ARHGAP10: variants seen among roughly 807,000 people sequenced by gnomAD.
The protein encoded by ARHGAP10 is Rho GTPase activating protein 10.
Under a neutral mutation model 108.6 loss-of-function variants are expected in ARHGAP10, and 87 were observed. That is an observed-to-expected ratio of 0.80 (90% CI 0.67 to 0.96). ARHGAP10 has a LOEUF of 0.96. Among genes scored for constraint, ARHGAP10 ranks in the 40% least tolerant of loss-of-function variants. The probability of loss-of-function intolerance (pLI) is 0.00; values close to 1 mark genes in which losing one functional copy is unlikely to be tolerated. For missense variants in ARHGAP10, 939 were observed against 954.5 expected, an observed-to-expected ratio of 0.98 and a Z score of 0.21; for synonymous variants, 347 against 341.1, an observed-to-expected ratio of 1.02 and a Z score of -0.19.
At chr4:148,068,433 A>G (rs971889260) in intron 22 of ARHGAP10, among the ~76,000 whole-genome samples, 2 of 152,198 alleles carry the variant, frequency 1.3e-5, no homozygotes, top group African/African-American at 4.8e-5. Flanking sequence ...AGCTGATCAC[A>G]TATAGACCCC....
chr4:147,875,268 C>G, intron 8 of ARHGAP10, 118 bp downstream of exon 8: 3 of 1,135,828 alleles, frequency 2.6e-6, no homozygotes, highest in Non-Finnish European at 3.6e-6. Context: ...CTTTCTCTCC[C>G]TGCTCCTATC....
At chr4:147,929,039 T>A (rs1737570300) in intron 13 of ARHGAP10, among the ~76,000 whole-genome samples, 1 of 152,208 alleles carries the variant, frequency 6.6e-6, no homozygotes, top group African/African-American at 2.4e-5. Context: ...TAACCTTAAC[T>A]TGTAATAATT....
intron 10 of ARHGAP10, among the ~76,000 whole-genome samples, chr4:147,897,098 T>C (rs1448860647): frequency 2.6e-5 from 4 of 152,146 alleles, no homozygotes; most frequent in Non-Finnish European, 4.4e-5. Flanking sequence ...TGCTTTCTTA[T>C]ACTGTTCGTA....
At chr4:148,035,602 G>A (rs1298080526) in intron 19 of ARHGAP10, among the ~76,000 whole-genome samples, 1 of 152,184 alleles carries the variant, frequency 6.6e-6, no homozygotes, top group African/African-American at 2.4e-5. Context: ...TGAAACGGGA[G>A]GAGTGAGGTC....
intron 1 of ARHGAP10, among the ~76,000 whole-genome samples, chr4:147,739,264 A>G (rs1053688670): frequency 3.9e-5 from 6 of 152,130 alleles, no homozygotes; most frequent in African/African-American, 1.4e-4. Flanking sequence ...ATTTTCTAGA[A>G]TTTATTTTTG....
intron 1 of ARHGAP10, among the ~76,000 whole-genome samples, chr4:147,783,995 A>G (rs919550635): frequency 1.1e-4 from 16 of 144,520 alleles, no homozygotes; most frequent in African/African-American, 3.0e-4. Flanking sequence ...TATAATTTAT[A>G]TAACACATTA....
intron 1 of ARHGAP10, among the ~76,000 whole-genome samples, chr4:147,796,408 A>G (rs1195243605): frequency 6.6e-6 from 1 of 152,126 alleles, no homozygotes; most frequent in Non-Finnish European, 1.5e-5. Context: ...GGAGGTTGGG[A>G]GGAGGGCCCT....
chr4:148,035,601 A>C (rs1728345043), intron 19 of ARHGAP10, among the ~76,000 whole-genome samples: 1 of 152,194 alleles, frequency 6.6e-6, no homozygotes, highest in African/African-American at 2.4e-5. Flanking sequence ...ATGAAACGGG[A>C]GGAGTGAGGT....
At chr4:147,744,385 G>T (rs1728818741) in intron 1 of ARHGAP10, among the ~76,000 whole-genome samples, 1 of 151,962 alleles carries the variant, frequency 6.6e-6, no homozygotes, top group Non-Finnish European at 1.5e-5. Flanking sequence ...TGTCGAGGGG[G>T]TGGGGGAGGG....
At chr4:147,743,450 T>G (rs1308708875) in intron 1 of ARHGAP10, among the ~76,000 whole-genome samples, 2 of 152,206 alleles carry the variant, frequency 1.3e-5, no homozygotes, top group African/African-American at 2.4e-5. Context: ...GTTGTTTAAC[T>G]TCTCTGTGCC....
intron 4 of ARHGAP10, among the ~76,000 whole-genome samples, chr4:147,852,908 G>A (rs966304237): frequency 1.3e-5 from 2 of 151,600 alleles, no homozygotes; most frequent in African/African-American, 4.8e-5. Context: ...AGTAGAGATG[G>A]GGGGTTTCAC....
chr4:148,009,576 G>T (rs536176589), intron 18 of ARHGAP10, among the ~76,000 whole-genome samples: 1 of 152,336 alleles, frequency 6.6e-6, no homozygotes, highest in East Asian at 1.9e-4. Flanking sequence ...TAGATGTACA[G>T]AATTTTGATG....
intron 1 of ARHGAP10, among the ~76,000 whole-genome samples, chr4:147,817,147 C>T (rs1238128143): frequency 6.6e-6 from 1 of 152,080 alleles, no homozygotes; most frequent in Non-Finnish European, 1.5e-5. Flanking sequence ...ATTAACCATA[C>T]CCTTTTTCTT....
chr4:147,878,276 T>C (rs1221218367), intron 8 of ARHGAP10, among the ~76,000 whole-genome samples: 1 of 152,138 alleles, frequency 6.6e-6, no homozygotes, highest in Admixed American at 6.5e-5. Flanking sequence ...TTTTGTATTT[T>C]AGTAGAGACA....
At chr4:147,836,471 CT>C (rs1169264094) in intron 3 of ARHGAP10, among the ~76,000 whole-genome samples, 1 of 152,150 alleles carries the variant, frequency 6.6e-6, no homozygotes, top group Non-Finnish European at 1.5e-5. Context: ...GGGATATATA[CT>C]TTAAAATCAT....
intron 3 of ARHGAP10, among the ~76,000 whole-genome samples, chr4:147,823,752 G>A (rs1159192809): frequency 6.6e-6 from 1 of 151,818 alleles, no homozygotes; most frequent in African/African-American, 2.4e-5. Context: ...GCAAGACCCT[G>A]TCTCAAAAAA....
At chr4:147,787,476 G>A (rs1421371937) in intron 1 of ARHGAP10, among the ~76,000 whole-genome samples, 2 of 152,086 alleles carry the variant, frequency 1.3e-5, no homozygotes, top group African/African-American at 2.4e-5. Context: ...GCTCGCAAAT[G>A]TGTTCTTGCC....
intron 19 of ARHGAP10, among the ~76,000 whole-genome samples, chr4:148,046,577 A>G (rs1728894336): frequency 6.6e-6 from 1 of 152,172 alleles, no homozygotes; most frequent in Admixed American, 6.5e-5. Flanking sequence ...TCTTGATTTC[A>G]TTGGTTTATA....
intron 14 of ARHGAP10, among the ~76,000 whole-genome samples, chr4:147,943,260 T>G (rs1421109253): frequency 6.6e-6 from 1 of 152,134 alleles, no homozygotes. Flanking sequence ...CTAAATCTGA[T>G]TTGCAAGAAG....
Sources: allele counts gnomAD v4.1 joint callset (sites outside exome capture counted in the v4.1 genomes callset), GRCh38; gene constraint gnomAD v4.1.1; transcripts MANE v1.5; gene names NCBI Gene and HGNC (gene_info 2026-07-23, HGNC 2026-07-21).